JADE3: variants seen among roughly 807,000 people sequenced by gnomAD.
The protein encoded by JADE3 is protein Jade-3.
JADE3 carries 2 observed loss-of-function variants against 50.1 expected under a neutral mutation model. That is an observed-to-expected ratio of 0.04 (90% CI 0.02 to 0.13). The LOEUF is 0.13. Among genes scored for constraint, JADE3 ranks in the 10% least tolerant of loss-of-function variants. JADE3 has a pLI of 1.00. For missense variants in JADE3, 475 were observed against 634.4 expected (o/e 0.75, Z 2.70); for synonymous variants, 218 against 232.9 (o/e 0.94, Z 0.58).
intron 1 of JADE3, among the ~76,000 whole-genome samples, chrX:46,930,672 C>G (rs782079183): frequency 2.7e-5 from 3 of 111,757 alleles, no homozygotes; most frequent in Non-Finnish European, 5.6e-5. Context: ...AAGTTCAAAG[C>G]TTGACTTCAA....
rs1362175657 is a variant in JADE3, at chrX:47,061,149, G to C, written c.*2072G>C. ...CTTCTTTGTTAATTTTTTTCATTTTGTCTTATATAGTCCAGTTTTCCAAGA... is the reference window on the plus strand; with the variant it reads ...CTTCTTTGTTAATTTTTTTCATTTTCTCTTATATAGTCCAGTTTTCCAAGA... On this transcript the variant is annotated 3_prime_UTR_variant, in exon 11 of 11. Transcript: ENST00000614628. The C allele has an allele frequency of 9.0e-6, 1 of 111,053 alleles. No homozygotes were observed. The highest frequency in any genetic ancestry group is 9.7e-5 in the Admixed American group (1 of 10,343). 9.2% of individuals were successfully genotyped at this position (111,053 alleles called of 1,213,427 possible).
At chrX:47,049,466 C>CTTCTTCTTCTTTTTT in intron 8 of JADE3, among the ~76,000 whole-genome samples, 1 of 97,028 alleles carries the variant, frequency 1.0e-5, no homozygotes, top group Non-Finnish European at 2.1e-5. Context: ...GCGCCCAACC[C>CTTCTTCTTCTTTTTT]TTTTTTTTTT....
chrX:46,921,043 G>C (rs1158923045), intron 1 of JADE3, among the ~76,000 whole-genome samples: 4 of 111,594 alleles, frequency 3.6e-5, no homozygotes, highest in African/African-American at 1.3e-4. Flanking sequence ...GCTTCCCAAA[G>C]TGCTGAGATT....
At chrX:46,987,218 T>C (rs1383158786) in intron 3 of JADE3, among the ~76,000 whole-genome samples, 1 of 112,736 alleles carries the variant, frequency 8.9e-6, no homozygotes, top group African/African-American at 3.2e-5. Context: ...AAGCCACTTG[T>C]AGTTTCTTGC....
chrX:46,926,572 A>G (rs1423802100), intron 1 of JADE3, among the ~76,000 whole-genome samples: 4 of 112,081 alleles, frequency 3.6e-5, no homozygotes, highest in African/African-American at 1.3e-4. Flanking sequence ...TAACACATAA[A>G]TAGATCAGTG....
intron 4 of JADE3, among the ~76,000 whole-genome samples, chrX:47,012,582 A>G (rs983248693): frequency 9.1e-6 from 1 of 109,486 alleles, no homozygotes; most frequent in Non-Finnish European, 1.9e-5. Context: ...CCCTGCCTCA[A>G]AAAAAAAAGT....
chrX:46,956,906 C>G (rs1419789813), intron 1 of JADE3, among the ~76,000 whole-genome samples: 2 of 107,889 alleles, frequency 1.9e-5, no homozygotes, highest in Non-Finnish European at 3.8e-5. Flanking sequence ...ACTGAAACCT[C>G]TGCCTCCCGG....
At chrX:46,969,844 G>C (rs73201903) in intron 1 of JADE3, among the ~76,000 whole-genome samples, 27,198 of 111,167 alleles carry the variant, frequency 0.24, 3,155 homozygotes, top group Middle Eastern at 0.39. Context: ...AGAAAAACTT[G>C]TGGGGCGTAA....
At chrX:47,041,440 G>A (rs1031483764) in intron 8 of JADE3, among the ~76,000 whole-genome samples, 13 of 110,600 alleles carry the variant, frequency 1.2e-4, no homozygotes, top group African/African-American at 4.3e-4. Context: ...ACCTAGGCTG[G>A]AGTGCAGTGA....
At chrX:47,044,507 A>G (rs1363892502) in intron 8 of JADE3, among the ~76,000 whole-genome samples, 3 of 111,973 alleles carry the variant, frequency 2.7e-5, no homozygotes, top group South Asian at 7.5e-4. Context: ...CATCAACACC[A>G]GGCCTGTCCT....
chrX:47,020,906 G>A (rs1225912964), intron 4 of JADE3, among the ~76,000 whole-genome samples: 1 of 110,509 alleles, frequency 9.0e-6, no homozygotes, highest in Non-Finnish European at 1.9e-5. Context: ...CTTGAGCCCA[G>A]GAGTTCAAGA....
chrX:47,058,538 G>A lies in JADE3; in HGVS notation c.1933G>A (p.Ala645Thr). Reference sequence around the variant, plus strand: ...GGGAAAGCCTCTGGTCCTTCAGGCTGCCCTCCATGGACAGTCTTCCATTGG... The same window carrying A: ...GGGAAAGCCTCTGGTCCTTCAGGCTACCCTCCATGGACAGTCTTCCATTGG... ...SLGKPLVLQA[A>T]LHGQSSIGNG... Residue 645 changes from alanine to threonine, a missense_variant, in exon 11 of 11, where the codon GCC becomes ACC. Physicochemically the swap from Ala to Thr is moderately conservative, Grantham distance 58. Coordinates refer to ENST00000614628, the MANE Select transcript of JADE3 (RefSeq NM_014735.5). The A allele has an allele frequency of 8.3e-7, 1 of 1,211,402 alleles. No individual in the cohort carries two copies. The highest frequency in any genetic ancestry group is 1.1e-6 in the Non-Finnish European group (1 of 895,370).
At chrX:46,991,964 T>C (rs782643639) in intron 3 of JADE3, among the ~76,000 whole-genome samples, 4 of 110,763 alleles carry the variant, frequency 3.6e-5, no homozygotes, top group Non-Finnish European at 7.6e-5. Flanking sequence ...GTGGAAGTGG[T>C]GGTAGGGAAG....
rs1210671356 is a variant in JADE3, at chrX:46,935,153, C to T, written c.-12+22434C>T. The stretch of plus-strand genomic sequence containing the variant: ...TTTGCCATGTTGGCCAGGCTGGTCT[C>T]AAACTCCTGACCTCAAGTGATTCAC... On this transcript the variant is annotated intron_variant, in intron 1 of 10. Coordinates refer to ENST00000614628, the MANE Select transcript of JADE3 (RefSeq NM_014735.5). Among the ~76,000 whole-genome samples, 140 of 110,555 alleles carry T rather than the reference C, an allele frequency of 1.3e-3. 1 individual carries two copies. Among genetic ancestry groups the T allele is most frequent in the African/African-American group, 4.1e-3 (123 of 29,784 alleles).
chrX:46,992,870 A>G (rs1242742407), intron 3 of JADE3, among the ~76,000 whole-genome samples: 1 of 111,874 alleles, frequency 8.9e-6, no homozygotes, highest in African/African-American at 3.3e-5. Flanking sequence ...TCCTAGGGAT[A>G]TGTGAATCCC....
At chrX:46,924,777 G>A (rs1415611893) in intron 1 of JADE3, among the ~76,000 whole-genome samples, 2 of 112,216 alleles carry the variant, frequency 1.8e-5, no homozygotes, top group African/African-American at 6.5e-5. Context: ...AAAATTCAAT[G>A]TATGCCTTTG....
chrX:46,922,189 G>A (rs781887500), intron 1 of JADE3, among the ~76,000 whole-genome samples: 10 of 110,242 alleles, frequency 9.1e-5, no homozygotes, highest in South Asian at 3.9e-4. Flanking sequence ...GTCTGTTCCC[G>A]CGTTAGTTTG....
At chrX:47,034,032 G>A (rs1556367357) in intron 7 of JADE3, among the ~76,000 whole-genome samples, 1 of 110,920 alleles carries the variant, frequency 9.0e-6, no homozygotes, top group African/African-American at 3.3e-5. Flanking sequence ...ATATATACAC[G>A]ATATTTGGGA....
intron 10 of JADE3, among the ~76,000 whole-genome samples, chrX:47,057,701 G>A (rs1929656974): frequency 8.9e-6 from 1 of 112,041 alleles, no homozygotes; most frequent in South Asian, 3.7e-4. Context: ...CTGAAGGTTT[G>A]TGTTTGCCTT....
Sources: allele counts gnomAD v4.1 joint callset (sites outside exome capture counted in the v4.1 genomes callset), GRCh38; gene constraint gnomAD v4.1.1; transcripts MANE v1.5; gene names NCBI Gene and HGNC (gene_info 2026-07-23, HGNC 2026-07-21).